Variants in ADH1B observed in about 807,000 individuals in gnomAD.
ADH1B encodes alcohol dehydrogenase 1B (class I), beta polypeptide.
A neutral mutation model predicts 34.6 loss-of-function variants in ADH1B; 29 were observed. That is an observed-to-expected ratio of 0.84 (90% CI 0.62 to 1.14). ADH1B has a LOEUF of 1.14. Among genes scored for constraint, ADH1B ranks in the 50% most tolerant of loss-of-function variants. ADH1B has a pLI of 0.00. For missense variants in ADH1B, 424 were observed against 468.4 expected, an observed-to-expected ratio of 0.91 and a Z score of 0.87; for synonymous variants, 170 against 175.5, an observed-to-expected ratio of 0.97 and a Z score of 0.25.
chr4:99,314,144 A>G, intron 5 of ADH1B, 63 bp from the exon 6 acceptor site: 5 of 1,588,176 alleles, frequency 3.1e-6, no homozygotes, highest in Non-Finnish European at 4.3e-6. Context: ...CCTAAGCTTC[A>G]TAAAGTGCCA....
intron 3 of ADH1B, chr4:99,317,571 T>C: frequency 6.5e-6 from 1 of 153,640 alleles, no homozygotes; most frequent in Non-Finnish European, 1.4e-5. Flanking sequence ...GCTGCATAGG[T>C]CACCTAAGAA....
intron 2 of ADH1B, 55 bp downstream of exon 2, chr4:99,318,730 A>G: frequency 6.6e-7 from 1 of 1,513,312 alleles, no homozygotes; most frequent in Non-Finnish European, 9.0e-7. Flanking sequence ...TCCATTTTTA[A>G]TGTTCTCTGA....
chr4:99,318,202 G>A lies in ADH1B; in HGVS notation c.121-18C>T. The A allele has an allele frequency of 6.2e-7, 1 of 1,613,382 alleles. No homozygotes were observed. The highest frequency in any genetic ancestry group is 1.1e-5 in the South Asian group (1 of 90,898). On this transcript the variant is annotated intron_variant, in intron 2 of 8. Coordinates refer to ENST00000305046, the MANE Select transcript of ADH1B (RefSeq NM_000668.6). ...GCCACCATCTACAGAATAAAGAGAA[G>A]CTGTTCAGATTCAGAAAAGATTGTA...
intron 3 of ADH1B, 196 bp downstream of exon 3, chr4:99,317,850 G>C (rs1163568579): frequency 6.3e-6 from 5 of 798,914 alleles, no homozygotes; most frequent in Non-Finnish European, 9.7e-6. Flanking sequence ...ATGGTTGAAG[G>C]GTACAATACA....
Position 99,316,249 on chromosome 4 carries a change from T to A in ADH1B, c.313A>T (p.Lys105Ter). 2 of 1,614,216 alleles carry A rather than the reference T, an allele frequency of 1.2e-6. No homozygotes were observed. The highest frequency in any genetic ancestry group is 1.7e-6 in the Non-Finnish European group (2 of 1,180,034). ...AAGCAGTAGTTGCTCTCCGGGTTTT[T>A]ACAAACTCTGCATTTTCCACACTGA... ...TPQCGKCRVC[K>*]NPESNYCLKN... The change falls in exon 4 of 9, where the codon AAA becomes TAA. Residue 105 changes from lysine (K) to a stop codon, truncating the protein, a stop_gained. Coordinates refer to ENST00000305046, the MANE Select transcript of ADH1B (RefSeq NM_000668.6). LOFTEE classifies it high-confidence loss of function.
At position 99,318,184 on chromosome 4, in the gene ADH1B, T is replaced by C. The variant is rs1733936858; in HGVS notation, c.121A>G (p.Met41Val). The C allele has an allele frequency of 1.2e-6, 2 of 1,614,094 alleles. No individual in the cohort carries two copies. Among genetic ancestry groups the C allele is most frequent in the South Asian group, 2.2e-5 (2 of 91,076 alleles). Residue 41 changes from methionine (M) to valine (V), a missense_variant and splice_region_variant, in exon 3 of 9, where the codon ATG (methionine) becomes GTG (valine). Physicochemically the swap from Met to Val is conservative, Grantham distance 21. Around this residue, in one of 3 missense-constraint regions of ADH1B, gnomAD observed 291 missense variants for 300.4 expected, o/e 0.97. Coordinates refer to ENST00000305046, the MANE Select transcript of ADH1B (RefSeq NM_000668.6). ...GTGTGACAGATTCCTACAGCCACCATCTACAGAATAAAGAGAAGCTGTTCA... is the reference window on the plus strand; with the variant it reads ...GTGTGACAGATTCCTACAGCCACCACCTACAGAATAAAGAGAAGCTGTTCA... ...PPKAYEVRIK[M>V]VAVGICHTDD... is the part of the protein sequence containing the mutation.
At chr4:99,321,202 C>T (rs1734017993) in intron 1 of ADH1B, 112 bp downstream of exon 1, 1 of 945,610 alleles carries the variant, frequency 1.1e-6, no homozygotes, top group Non-Finnish European at 1.6e-6. Context: ...CATATTTCAG[C>T]ATATCATTTC....
rs748618923 is a variant in ADH1B at position 99,310,833 on chromosome 4, C to T, written c.1035G>A (p.Ala345=). 1.2e-5 allele frequency: 20 copies of T among 1,613,418 alleles called. No homozygotes were observed. The highest frequency in any genetic ancestry group is 1.6e-4 in the Middle Eastern group (1 of 6,080). Residue 345 remains alanine (A), a synonymous_variant, in exon 8 of 9, where the codon GCG becomes GCA. Transcript: ENST00000305046. ...DFMAKKFSLD[A]LITHVLPFEK... is the part of the protein sequence containing the mutation. ...CAAAAGGTAAAACATGGGTTATTAA[C>T]GCATCCAGTGAAAACTTCTTAGCCA...
chr4:99,319,293 T>C, intron 1 of ADH1B: 2 of 256,348 alleles, frequency 7.8e-6, no homozygotes, highest in Non-Finnish European at 1.5e-5. Flanking sequence ...AATACACTGC[T>C]TTATTGCTCA....
chr4:99,311,688 C>T (rs373067307), intron 6 of ADH1B, 32 bp from the exon 7 acceptor site: 71 of 1,610,718 alleles, frequency 4.4e-5, no homozygotes, highest in Admixed American at 6.7e-5. Flanking sequence ...GCATCCTTAA[C>T]GTGGAGTCGC....
chr4:99,305,991 G>C lies in ADH1B; in HGVS notation c.*1849C>G, dbSNP rs1425781180. 1.3e-5 allele frequency: 2 copies of C among 152,310 alleles called. No homozygotes were observed. The highest frequency in any genetic ancestry group is 3.9e-4 in the East Asian group (2 of 5,172). The allele number at this position is 152,310 out of a possible 1,614,324, so 9.4% of individuals were successfully genotyped here. ...ATTCTGAAAACTTTCTTGACCCTGA[G>C]TAACTCCTTCAGCATTTTCTTTTCT... On this transcript the variant is annotated 3_prime_UTR_variant, in exon 9 of 9. Transcript: ENST00000305046.
Position 99,311,543 on chromosome 4 carries a change from G to T in ADH1B, c.942C>A (p.Thr314=). The change falls in exon 7 of 9, where the codon ACC becomes ACA. Residue 314 remains threonine, a synonymous_variant. Transcript: ENST00000305046. The part of the protein sequence containing the change: ...INPMLLLTGR[T]WKGAVYGGFK... The stretch of plus-strand genomic sequence containing the variant: ...TACCACCATAAACAGCCCCCTTCCA[G>T]GTGCGTCCAGTCAGTAGCAGCATAG... 1 of 1,613,940 alleles carries T rather than the reference G, an allele frequency of 6.2e-7. No individual in the cohort carries two copies.
rs1422786755 is a variant in ADH1B at position 99,305,721 on chromosome 4, C to T, written c.*2119G>A. ...CCCATCCCATGGAGGACTTGCCACT[C>T]TATGACAACACTGGCAGAGCCCACC... On this transcript the variant is annotated 3_prime_UTR_variant, in exon 9 of 9. Transcript: ENST00000305046. 1 of 151,316 alleles carries T rather than the reference C, an allele frequency of 6.6e-6. No individual in the cohort carries two copies. Among genetic ancestry groups the T allele is most frequent in the Admixed American group, 6.6e-5 (1 of 15,194 alleles). 9.4% of individuals were successfully genotyped at this position (151,316 alleles called of 1,614,324 possible).
intron 6 of ADH1B, 70 bp downstream of exon 6, chr4:99,313,751 A>C (rs1349906971): frequency 1.5e-5 from 24 of 1,612,792 alleles, no homozygotes; most frequent in Non-Finnish European, 2.0e-5. Flanking sequence ...CATAAAACAT[A>C]TATTTTGCTG....
intron 8 of ADH1B, 96 bp from the exon 9 acceptor site, chr4:99,307,960 T>C: frequency 6.6e-7 from 1 of 1,520,226 alleles, no homozygotes; most frequent in Non-Finnish European, 9.1e-7. Flanking sequence ...TTAGTGAAAA[T>C]CTGTCTGTGA....
intron 8 of ADH1B, among the ~76,000 whole-genome samples, chr4:99,309,023 A>G (rs951221371): frequency 1.1e-4 from 16 of 152,042 alleles, no homozygotes; most frequent in African/African-American, 3.9e-4. Context: ...TACAACATAT[A>G]CAATTTATAT....
intron 7 of ADH1B, 82 bp downstream of exon 7, chr4:99,311,439 G>A (rs1483758214): frequency 1.4e-6 from 2 of 1,447,102 alleles, no homozygotes; most frequent in Non-Finnish European, 1.9e-6. Context: ...ATTGTAAAAG[G>A]GCATATATAT....
At position 99,307,360 on chromosome 4, in the gene ADH1B, T is replaced by C. The variant is rs1733633533; in HGVS notation, c.*480A>G. On this transcript the variant is annotated 3_prime_UTR_variant, in exon 9 of 9. Coordinates refer to ENST00000305046, the MANE Select transcript of ADH1B (RefSeq NM_000668.6). ...GTCTATCCTTTACCTTACCCTAGCTTTTACCCCAGGGATTTGGTACATTTT... is the reference window on the plus strand; with the variant it reads ...GTCTATCCTTTACCTTACCCTAGCTCTTACCCCAGGGATTTGGTACATTTT... 1.1e-5 allele frequency: 2 copies of C among 179,888 alleles called. No individual in the cohort carries two copies. The highest frequency in any genetic ancestry group is 2.3e-5 in the Non-Finnish European group (2 of 87,608). 11.1% of individuals were successfully genotyped at this position (179,888 alleles called of 1,614,324 possible).
rs56951572 is a variant in ADH1B, at chr4:99,305,561, GTATA to G, written c.*2275_*2278del. 0.01 allele frequency: 509 copies of G among 49,168 alleles called. 22 individuals are homozygous for G. Among genetic ancestry groups the G allele is most frequent in the African/African-American group, 0.028 (299 of 10,718 alleles). The allele number at this position is 49,168 out of a possible 1,614,324, so 3.0% of individuals were successfully genotyped here. ...CTATATGAACCACTTGCCCCATAGT[GTATA>G]TATATATATATATATATATATATAT... On this transcript the variant is annotated 3_prime_UTR_variant, in exon 9 of 9. Transcript: ENST00000305046.
Sources: gnomAD v4.1 joint callset for allele counts (sites outside exome capture counted in the v4.1 genomes callset) on GRCh38, gnomAD v4.1.1 for gene constraint, gnomAD v4.1.1 regional missense constraint, MANE v1.5 for transcripts, NCBI Gene and HGNC (gene_info 2026-07-23, HGNC 2026-07-21) for gene names.